The following PTH2 variants were observed in gnomAD, a reference collection of about 807,000 sequenced individuals.
The protein encoded by PTH2 is tuberoinfundibular 39 residue protein.
PTH2 carries 5 observed loss-of-function variants against 6.2 expected under a neutral mutation model. That is an observed-to-expected ratio of 0.80 (90% CI 0.42 to 1.69). The LOEUF is 1.69. Ranked by LOEUF, PTH2 falls within the 40% of genes most tolerant of loss-of-function variation. The pLI, the probability that PTH2 is intolerant of heterozygous loss-of-function variation, is 0.02. For synonymous variants in PTH2, 67 were observed against 73.6 expected (o/e 0.91, Z 0.46); for missense variants, 156 against 142.5 (o/e 1.09, Z -0.48).
Position 49,422,598 on chromosome 19 carries a change from C to G in PTH2, c.173G>C (p.Arg58Thr). The G allele has an allele frequency of 6.6e-7, 1 of 1,509,490 alleles. No individual in the cohort carries two copies. The highest frequency in any genetic ancestry group is 8.8e-7 in the Non-Finnish European group (1 of 1,134,968). 93.5% of individuals were successfully genotyped at this position (1,509,490 alleles called of 1,614,324 possible). Residue 58 changes from arginine to threonine, a missense_variant, in exon 2 of 2, where the codon AGG (arginine) becomes ACG (threonine). Physicochemically the swap from Arg to Thr is moderately conservative, Grantham distance 71. Coordinates refer to ENST00000270631, the MANE Select transcript of PTH2 (RefSeq NM_178449.4). Reference protein sequence around the residue: ...GRAWADPATPRPRRSLALADD... With the variant: ...GRAWADPATPTPRRSLALADD... ...CGCCAGCGCCAGGCTCCTCCGCGGC[C>G]TGGGGGTGGCGGGATCCGCCCAGGC...
chr19:49,423,332 G>A lies in PTH2; in HGVS notation c.8C>T (p.Thr3Ile), dbSNP rs1259472254. The A allele has an allele frequency of 6.3e-7, 1 of 1,595,508 alleles. No individual in the cohort carries two copies. The highest frequency in any genetic ancestry group is 1.8e-5 in the Admixed American group (1 of 56,514). Reference protein sequence around the residue: METRQVSRSPRVR... With the variant: MEIRQVSRSPRVR... ...CCGAGGGCTCCTGGACACCTGGCGGGTCTCCATCACCTGTGGAGAACCAGA... is the reference window on the plus strand; with the variant it reads ...CCGAGGGCTCCTGGACACCTGGCGGATCTCCATCACCTGTGGAGAACCAGA... The change falls in exon 1 of 2, where the codon ACC (threonine) becomes ATC (isoleucine). Residue 3 changes from threonine (T) to isoleucine (I), a missense_variant. Coordinates refer to ENST00000270631, the MANE Select transcript of PTH2 (RefSeq NM_178449.4).
At chr19:49,422,922 A>T (rs1033044597) in intron 1 of PTH2, among the ~76,000 whole-genome samples, 2 of 151,812 alleles carry the variant, frequency 1.3e-5, no homozygotes, top group African/African-American at 4.8e-5. Context: ...CAAAGAATGA[A>T]TCCGTTTCTG....
Position 49,422,492 on chromosome 19 carries a change from C to A in PTH2, c.279G>T (p.Lys93Asn), listed in dbSNP as rs1420973065. ...RRHWLNSYMHKLLVLDAP is the reference protein window; with the variant it reads ...RRHWLNSYMHNLLVLDAP Reference sequence around the variant, plus strand: ...CTCAGGGCGCATCCAACACCAGCAGCTTGTGCATGTACGAGTTCAGCCAGT... The same window carrying A: ...CTCAGGGCGCATCCAACACCAGCAGATTGTGCATGTACGAGTTCAGCCAGT... Residue 93 changes from lysine (K) to asparagine (N), a missense_variant, in exon 2 of 2, where the codon AAG becomes AAT. Transcript: ENST00000270631. 1 of 1,602,172 alleles carries A rather than the reference C, an allele frequency of 6.2e-7. No individual in the cohort carries two copies. Among genetic ancestry groups the A allele is most frequent in the Non-Finnish European group, 8.5e-7 (1 of 1,175,756 alleles).
intron 1 of PTH2, 139 bp downstream of exon 1, chr19:49,423,069 CTCTG>C: frequency 9.5e-7 from 1 of 1,056,146 alleles, no homozygotes; most frequent in Middle Eastern, 2.1e-4. Context: ...CACCCCTAGT[CTCTG>C]TCTTCTCGCT....
intron 1 of PTH2, among the ~76,000 whole-genome samples, 180 bp downstream of exon 1, chr19:49,423,032 C>A (rs1327710556): frequency 1.3e-5 from 2 of 152,142 alleles, no homozygotes; most frequent in Non-Finnish European, 2.9e-5. Flanking sequence ...ACCACCACTA[C>A]CACCAAACCC....
At position 49,422,649 on chromosome 19, in the gene PTH2, A is replaced by G. The variant is rs1044476150; in HGVS notation, c.129-7T>C. ...CCGTCCTGGGGGGCGGAGGCTGTGG[A>G]GAGACGCGGTGACCGCGCGTCCAGA... On this transcript the variant is annotated splice_region_variant and splice_polypyrimidine_tract_variant and intron_variant, in intron 1 of 1. Coordinates refer to ENST00000270631, the MANE Select transcript of PTH2 (RefSeq NM_178449.4). 8.3e-5 allele frequency: 117 copies of G among 1,401,626 alleles called. No individual in the cohort carries two copies. The highest frequency in any genetic ancestry group is 1.1e-4 in the Non-Finnish European group (114 of 1,081,732). The allele number at this position is 1,401,626 out of a possible 1,614,324, so 86.8% of individuals were successfully genotyped here.
At position 49,422,573 on chromosome 19, in the gene PTH2, C is replaced by A. The variant is rs769142281; in HGVS notation, c.198G>T (p.Ala66=). The change falls in exon 2 of 2, where the codon GCG becomes GCT. Residue 66 remains alanine, a synonymous_variant. Coordinates refer to ENST00000270631, the MANE Select transcript of PTH2 (RefSeq NM_178449.4). ...TPRPRRSLAL[A]DDAAFRERAR... ...CGCGCTCCCGGAAGGCCGCGTCGTC[C>A]GCCAGCGCCAGGCTCCTCCGCGGCC... 40 of 1,584,494 alleles carry A rather than the reference C, an allele frequency of 2.5e-5. No individual in the cohort carries two copies. Among genetic ancestry groups the A allele is most frequent in the Middle Eastern group, 1.7e-4 (1 of 5,880 alleles).
At position 49,422,634 on chromosome 19, in the gene PTH2, G is replaced by A. The variant is rs750247751; in HGVS notation, c.137C>T (p.Pro46Leu). The change falls in exon 2 of 2, where the codon CCC becomes CTC. Residue 46 changes from proline to leucine, a missense_variant. Transcript: ENST00000270631. ...LPPVGVLSLR[P>L]PGRAWADPAT... ...GGGATCCGCCCAGGCCCGTCCTGGG[G>A]GGCGGAGGCTGTGGAGAGACGCGGT... 6 of 1,419,738 alleles carry A rather than the reference G, an allele frequency of 4.2e-6. No individual in the cohort carries two copies. The African/African-American group carries it at 6.1e-5, about 14-fold the overall frequency. 87.9% of individuals were successfully genotyped at this position (1,419,738 alleles called of 1,614,324 possible).
At chr19:49,423,182 C>G in intron 1 of PTH2, 30 bp downstream of exon 1, 3 of 1,608,478 alleles carry the variant, frequency 1.9e-6, no homozygotes, top group Non-Finnish European at 2.6e-6. Context: ...GTTCCCACCC[C>G]TCCCTGGGAG....
rs372508043 is a variant in PTH2, at chr19:49,422,427, G to C, written c.*41C>G. The stretch of plus-strand genomic sequence containing the variant: ...GCAGGAACTAGGCGCAGTCCGGAGC[G>C]CAGGGCATGGTCTTTATTAAGATGG... On this transcript the variant is annotated 3_prime_UTR_variant, in exon 2 of 2. Coordinates refer to ENST00000270631, the MANE Select transcript of PTH2 (RefSeq NM_178449.4). 20 of 1,567,710 alleles carry C rather than the reference G, an allele frequency of 1.3e-5. No individual in the cohort carries two copies. Among genetic ancestry groups the C allele is most frequent in the Non-Finnish European group, 1.7e-5 (20 of 1,162,008 alleles).
chr19:49,422,856 G>A (rs2122271493), intron 1 of PTH2, among the ~76,000 whole-genome samples: 1 of 152,116 alleles, frequency 6.6e-6, no homozygotes, highest in African/African-American at 2.4e-5. Flanking sequence ...GCACTTGTCC[G>A]CCCACAGCGC....
intron 1 of PTH2, among the ~76,000 whole-genome samples, chr19:49,423,002 A>G (rs932326698): frequency 2.0e-5 from 3 of 150,074 alleles, no homozygotes; most frequent in Non-Finnish European, 4.4e-5. Flanking sequence ...TCCCTTGCTG[A>G]TTTTCTGTCC....
At chr19:49,422,766 T>C (rs1975031249) in intron 1 of PTH2, 124 bp from the exon 2 acceptor site, 2 of 854,006 alleles carry the variant, frequency 2.3e-6, no homozygotes. Context: ...GCTCCCCCTG[T>C]CTCTCTCGTT....
chr19:49,423,061 C>T (rs1228795649), intron 1 of PTH2, 151 bp downstream of exon 1: 10 of 975,296 alleles, frequency 1.0e-5, no homozygotes. Context: ...CCTTCCCCCA[C>T]CCCTAGTCTC....
In PTH2 at chr19:49,423,353, C is replaced by T. The variant is rs1418566795; in HGVS notation, c.-14G>A. The T allele has an allele frequency of 5.1e-6, 8 of 1,573,750 alleles. No homozygotes were observed. The highest frequency in any genetic ancestry group is 1.3e-5 in the African/African-American group (1 of 74,372). On this transcript the variant is annotated 5_prime_UTR_variant, in exon 1 of 2. Transcript: ENST00000270631. ...GCGGGTCTCCATCACCTGTGGAGAA[C>T]CAGAAAGGGGCTCAGTAGGGCTGCA...
Position 49,422,443 on chromosome 19 carries a change from A to G in PTH2, c.*25T>C, listed in dbSNP as rs773991833. 1.9e-6 allele frequency: 3 copies of G among 1,585,328 alleles called. No homozygotes were observed. Among genetic ancestry groups the G allele is most frequent in the African/African-American group, 2.8e-5 (2 of 71,088 alleles). On this transcript the variant is annotated 3_prime_UTR_variant, in exon 2 of 2. Coordinates refer to ENST00000270631, the MANE Select transcript of PTH2 (RefSeq NM_178449.4). ...GTCCGGAGCGCAGGGCATGGTCTTT[A>G]TTAAGATGGGGACGGGCAGCGCGCT...
In PTH2 at chr19:49,423,364, C is replaced by A. The variant is rs1393475082; in HGVS notation, c.-25G>T. 8 of 1,555,720 alleles carry A rather than the reference C, an allele frequency of 5.1e-6. No homozygotes were observed. The highest frequency in any genetic ancestry group is 1.9e-5 in the Admixed American group (1 of 51,522). The stretch of plus-strand genomic sequence containing the variant: ...TCACCTGTGGAGAACCAGAAAGGGG[C>A]TCAGTAGGGCTGCATCCCGGCCCAG... On this transcript the variant is annotated 5_prime_UTR_variant, in exon 1 of 2. Transcript: ENST00000270631.
intron 1 of PTH2, among the ~76,000 whole-genome samples, chr19:49,422,869 A>G (rs1179379696): frequency 6.6e-6 from 1 of 152,142 alleles, no homozygotes; most frequent in Non-Finnish European, 1.5e-5. Context: ...CACAGCGCTC[A>G]GCGCATGGCC....
chr19:49,422,987 C>A (rs1038574389), intron 1 of PTH2, among the ~76,000 whole-genome samples: 1 of 152,166 alleles, frequency 6.6e-6, no homozygotes, highest in Non-Finnish European at 1.5e-5. Context: ...CTTTCTGTGT[C>A]TCTTTCCCTT....
Sources: gnomAD v4.1 joint callset for allele counts (sites outside exome capture counted in the v4.1 genomes callset) on GRCh38, gnomAD v4.1.1 for gene constraint, MANE v1.5 for transcripts, NCBI Gene and HGNC (gene_info 2026-07-23, HGNC 2026-07-21) for gene names.